Variants in ZNF638 observed in about 807,000 individuals in gnomAD.
The protein encoded by ZNF638 is CTCL tumor antigen se33-1.
Under a neutral mutation model 195.6 loss-of-function variants are expected in ZNF638, and 46 were observed. The observed-to-expected ratio is 0.24, with a 90% CI of 0.19 to 0.30. ZNF638 has a LOEUF of 0.30. ZNF638 is among the 10% of genes least tolerant of loss of function. The pLI is 1.00. For missense variants in ZNF638, 2,440 were observed against 2,325.3 expected, an observed-to-expected ratio of 1.05 and a Z score of -1.01; for synonymous variants, 845 against 772.0, an observed-to-expected ratio of 1.09 and a Z score of -1.57.
intron 1 of ZNF638, among the ~76,000 whole-genome samples, chr2:71,347,815 C>T (rs908811485): frequency 1.1e-4 from 17 of 152,302 alleles, no homozygotes; most frequent in Admixed American, 1.0e-3. Flanking sequence ...CTTTTACTCA[C>T]ATCTGTTAAT....
chr2:71,333,460 TC>T (rs2078608840), intron 1 of ZNF638, among the ~76,000 whole-genome samples: 1 of 152,242 alleles, frequency 6.6e-6, no homozygotes, highest in Admixed American at 6.5e-5. Context: ...TGTTTTGTAA[TC>T]CTTTTTTGCA....
rs1242380765 is a variant in ZNF638 at position 71,410,987 on chromosome 2, C to A, written c.3261+2740C>A. On this transcript the variant is annotated intron_variant, in intron 20 of 27. Transcript: ENST00000264447. Reference sequence around the variant, plus strand: ...TTTTTCTCCCCACCCACCACCTCCCCCCCCCTTTTTTTTTTTTTTTTTTTT... The same window carrying A: ...TTTTTCTCCCCACCCACCACCTCCCACCCCCTTTTTTTTTTTTTTTTTTTT... Among the ~76,000 whole-genome samples the A allele has an allele frequency of 4.9e-4, 46 of 94,396 alleles. 1 individual carries two copies. Among genetic ancestry groups the A allele is most frequent in the African/African-American group, 1.5e-3 (43 of 28,404 alleles). 61.9% of individuals were successfully genotyped at this position (94,396 alleles called of 152,430 possible). A position where few individuals can be genotyped will look rare whatever the true frequency, so the allele number is the denominator to read the frequency against.
intron 17 of ZNF638, among the ~76,000 whole-genome samples, chr2:71,404,477 A>G (rs1324699152): frequency 6.6e-6 from 1 of 152,168 alleles, no homozygotes; most frequent in African/African-American, 2.4e-5. Context: ...TGAGAGGCTG[A>G]GGTGGGAGGA....
rs999497032 is a variant in ZNF638 at position 71,417,059 on chromosome 2, G to T, written c.3262-1543G>T. 1.9e-4 allele frequency among the ~76,000 whole-genome samples: 23 copies of T among 124,248 alleles called. No individual in the cohort carries two copies. The East Asian group carries it at 2.0e-3, about 11-fold the overall frequency. The allele number at this position is 124,248 out of a possible 152,430, so 81.5% of individuals were successfully genotyped here. A position where few individuals can be genotyped will look rare whatever the true frequency, so the allele number is the denominator to read the frequency against. On this transcript the variant is annotated intron_variant, in intron 20 of 27. Transcript: ENST00000264447. ...ACCTAAGCAAGCCTGGGCAATGGCG[G>T]GCGCCCCTCCCCCAGCCTCGTTGCC...
intron 25 of ZNF638, among the ~76,000 whole-genome samples, chr2:71,430,845 C>T (rs1436269756): frequency 2.0e-5 from 3 of 152,238 alleles, no homozygotes; most frequent in African/African-American, 7.2e-5. Context: ...GTGTTACTCA[C>T]TTTGGTGGGC....
At chr2:71,420,944 G>A (rs918750938) in intron 21 of ZNF638, among the ~76,000 whole-genome samples, 6 of 152,158 alleles carry the variant, frequency 3.9e-5, no homozygotes, top group Non-Finnish European at 8.8e-5. Flanking sequence ...TGTGTTCTCT[G>A]TTTCAAGTAT....
intron 5 of ZNF638, among the ~76,000 whole-genome samples, chr2:71,365,106 T>TA (rs765936440): frequency 2.0e-5 from 3 of 152,222 alleles, no homozygotes; most frequent in Admixed American, 6.5e-5. Flanking sequence ...AAACTGCAGT[T>TA]ACTTTTGCAC....
chr2:71,394,846 G>T (rs896651234), intron 10 of ZNF638, among the ~76,000 whole-genome samples: 1 of 145,116 alleles, frequency 6.9e-6, no homozygotes, highest in African/African-American at 2.7e-5. Context: ...TTACAGCAGG[G>T]TACAAATCAA....
chr2:71,400,042 C>T, intron 13 of ZNF638, 70 bp from the exon 14 acceptor site: 1 of 1,277,108 alleles, frequency 7.8e-7, no homozygotes. Flanking sequence ...AGCTTAAGTT[C>T]CTGTTTAGAT....
At chr2:71,392,633 AAGC>A (rs991138591) in intron 10 of ZNF638, among the ~76,000 whole-genome samples, 3 of 152,108 alleles carry the variant, frequency 2.0e-5, no homozygotes, top group African/African-American at 7.2e-5. Flanking sequence ...GGCAGTGATC[AAGC>A]AGACCTGCAG....
intron 10 of ZNF638, chr2:71,395,501 G>C: frequency 1.6e-6 from 1 of 606,418 alleles, no homozygotes; most frequent in East Asian, 2.8e-5. Flanking sequence ...AGGGCAAGAA[G>C]TAGGTAACAA....
intron 15 of ZNF638, among the ~76,000 whole-genome samples, chr2:71,401,401 C>A (rs747765642): frequency 2.6e-5 from 4 of 151,892 alleles, no homozygotes; most frequent in South Asian, 4.1e-4. Flanking sequence ...TTCTCAGGAG[C>A]TTTTTTATTA....
intron 24 of ZNF638, among the ~76,000 whole-genome samples, chr2:71,427,925 C>T (rs2080572371): frequency 6.6e-6 from 1 of 152,150 alleles, no homozygotes; most frequent in African/African-American, 2.4e-5. Context: ...AGTATTGTGG[C>T]TCACTCCCGT....
chr2:71,400,426 T>C, intron 14 of ZNF638, 52 bp from the exon 15 acceptor site: 1 of 1,537,192 alleles, frequency 6.5e-7, no homozygotes, highest in Non-Finnish European at 8.8e-7. Context: ...TGGAATAAAG[T>C]AGGATCTTGA....
Position 71,344,001 on chromosome 2 carries a change from G to A in ZNF638, c.-202-4752G>A, listed in dbSNP as rs147148494. Among the ~76,000 whole-genome samples the A allele has an allele frequency of 1.1e-3, 163 of 152,264 alleles. 1 individual carries two copies. Among genetic ancestry groups the A allele is most frequent in the African/African-American group, 3.8e-3 (156 of 41,560 alleles). The stretch of plus-strand genomic sequence containing the variant: ...AATAATCAGCCGGGTGTGGTGGCAC[G>A]CACCTGTAGTCCCAGCTACTCAGGA... On this transcript the variant is annotated intron_variant, in intron 1 of 27. Coordinates refer to ENST00000264447, the MANE Select transcript of ZNF638 (RefSeq NM_014497.5).
At chr2:71,428,503 A>C (rs116138951) in intron 24 of ZNF638, 44 bp from the exon 25 acceptor site, 1 of 1,532,272 alleles carries the variant, frequency 6.5e-7, no homozygotes, top group Non-Finnish European at 8.9e-7. Flanking sequence ...AAAGCAATTT[A>C]AATACTGTTA....
intron 1 of ZNF638, among the ~76,000 whole-genome samples, chr2:71,347,446 A>G (rs2078869378): frequency 6.6e-6 from 1 of 152,230 alleles, no homozygotes; most frequent in South Asian, 2.1e-4. Flanking sequence ...TTATATATAA[A>G]TAGAGAAAAG....
chr2:71,433,082 G>T (rs1056906469), intron 26 of ZNF638, 83 bp from the exon 27 acceptor site: 4 of 1,130,084 alleles, frequency 3.5e-6, no homozygotes, highest in Non-Finnish European at 5.3e-6. Flanking sequence ...GTGAGACTCC[G>T]TCTCAAATAA....
chr2:71,421,517 T>C lies in ZNF638; in HGVS notation c.3300-1297T>C, dbSNP rs111458671. The stretch of plus-strand genomic sequence containing the variant: ...TTTGGGGCATGAGGGAAGACCAGTT[T>C]GGTTCAAATGATTTAAGACCCTGAT... On this transcript the variant is annotated intron_variant, in intron 21 of 27. Coordinates refer to ENST00000264447, the MANE Select transcript of ZNF638 (RefSeq NM_014497.5). 9.5e-3 allele frequency among the ~76,000 whole-genome samples: 1,445 copies of C among 152,242 alleles called. 23 individuals carry two copies. The highest frequency in any genetic ancestry group is 0.033 in the African/African-American group (1,372 of 41,554).
Sources: gnomAD v4.1 joint callset for allele counts (sites outside exome capture counted in the v4.1 genomes callset) on GRCh38, gnomAD v4.1.1 for gene constraint, MANE v1.5 for transcripts, NCBI Gene and HGNC (gene_info 2026-07-23, HGNC 2026-07-21) for gene names.